ADAMTSL1: variants seen among roughly 807,000 people sequenced by gnomAD.
The protein encoded by ADAMTSL1 is ADAMTS-like protein 1.
ADAMTSL1 carries 126 observed loss-of-function variants against 201.8 expected under a neutral mutation model. The ratio of observed to expected loss-of-function variants is 0.62; its 90% CI spans 0.54 to 0.72. The LOEUF (loss-of-function observed/expected upper bound fraction) is 0.72, where lower values mean the gene tolerates loss of function less well. Among genes scored for constraint, ADAMTSL1 ranks in the 30% least tolerant of loss-of-function variants. The pLI is 0.00. For missense variants in ADAMTSL1, 2,679 were observed against 2,277.8 expected (o/e 1.18, Z -3.59); for synonymous variants, 1,121 against 903.4 (o/e 1.24, Z -4.32).
At chr9:18,478,909 G>T (rs191991207) in intron 1 of ADAMTSL1, among the ~76,000 whole-genome samples, 1 of 152,208 alleles carries the variant, frequency 6.6e-6, no homozygotes, top group Non-Finnish European at 1.5e-5. Flanking sequence ...AGACAAGTGC[G>T]TGTCATTTTC....
chr9:18,826,552 A>G (rs1322068637), intron 22 of ADAMTSL1, 89 bp downstream of exon 22: 8 of 1,444,300 alleles, frequency 5.5e-6, no homozygotes, highest in Middle Eastern at 2.2e-4. Context: ...CCCTAATCCA[A>G]TTAAGGACAT....
At chr9:17,917,124 C>T (rs1826124819) in intron 1 of ADAMTSL1, among the ~76,000 whole-genome samples, 1 of 152,012 alleles carries the variant, frequency 6.6e-6, no homozygotes, top group Non-Finnish European at 1.5e-5. Context: ...CTTTATTAAA[C>T]TCATTAGCTG....
At chr9:18,327,254 AATTAGATTT>A (rs1373761486) in intron 2 of ADAMTSL1, among the ~76,000 whole-genome samples, 1 of 152,224 alleles carries the variant, frequency 6.6e-6, no homozygotes, top group African/African-American at 2.4e-5. Context: ...ACATAAATAG[AATTAGATTT>A]ATGGGTGTTT....
At chr9:18,452,850 T>C (rs1444300875) in intron 2 of ADAMTSL1, among the ~76,000 whole-genome samples, 1 of 152,224 alleles carries the variant, frequency 6.6e-6, no homozygotes, top group East Asian at 1.9e-4. Context: ...TTGCTGGGCT[T>C]AGTCCACCAG....
intron 15 of ADAMTSL1, among the ~76,000 whole-genome samples, chr9:18,737,563 C>T (rs892331257): frequency 1.3e-5 from 2 of 152,032 alleles, no homozygotes; most frequent in Non-Finnish European, 1.5e-5. Context: ...CCTATCGATA[C>T]CAAAAGATCA....
chr9:18,448,027 T>TTCTCTC (rs10557934), intron 2 of ADAMTSL1, among the ~76,000 whole-genome samples: 2 of 149,766 alleles, frequency 1.3e-5, no homozygotes, highest in Admixed American at 6.6e-5. Flanking sequence ...CTCTCGCTCT[T>TTCTCTC]TCTCTCTCTC....
At chr9:18,110,076 G>A (rs1411395796) in intron 1 of ADAMTSL1, among the ~76,000 whole-genome samples, 1 of 152,124 alleles carries the variant, frequency 6.6e-6, no homozygotes, top group Non-Finnish European at 1.5e-5. Context: ...CTAGCTTCTA[G>A]ATGCCTTTTC....
chr9:18,771,585 A>G (rs1175110520), intron 17 of ADAMTSL1, among the ~76,000 whole-genome samples: 1 of 152,190 alleles, frequency 6.6e-6, no homozygotes. Context: ...TTGCCTCACA[A>G]GAAGATTTAG....
chr9:18,478,304 A>G (rs1821560696), intron 1 of ADAMTSL1, among the ~76,000 whole-genome samples: 2 of 152,130 alleles, frequency 1.3e-5, no homozygotes, highest in South Asian at 4.1e-4. Flanking sequence ...AGCATGAGAC[A>G]TGGTCTGGTG....
chr9:18,316,754 A>C (rs1478891643), intron 2 of ADAMTSL1, among the ~76,000 whole-genome samples: 1 of 152,166 alleles, frequency 6.6e-6, no homozygotes, highest in Non-Finnish European at 1.5e-5. Flanking sequence ...TTAAGAGATT[A>C]AAGTAAAGAC....
intron 2 of ADAMTSL1, among the ~76,000 whole-genome samples, chr9:18,414,452 T>G (rs1283111175): frequency 1.3e-5 from 2 of 152,068 alleles, no homozygotes; most frequent in Non-Finnish European, 2.9e-5. Flanking sequence ...CAAGATGGAG[T>G]AACAGAGACC....
chr9:18,217,758 C>T (rs1346788598), intron 2 of ADAMTSL1, among the ~76,000 whole-genome samples: 2 of 152,190 alleles, frequency 1.3e-5, no homozygotes, highest in South Asian at 2.1e-4. Flanking sequence ...CTGATGCTGG[C>T]TTCACTGGCA....
At chr9:18,637,658 C>T (rs973978095) in intron 6 of ADAMTSL1, among the ~76,000 whole-genome samples, 29 of 152,042 alleles carry the variant, frequency 1.9e-4, no homozygotes, top group Admixed American at 1.9e-3. Flanking sequence ...ATCATTTTTC[C>T]TTGTGTGTTC....
intron 3 of ADAMTSL1, among the ~76,000 whole-genome samples, chr9:18,533,739 C>T (rs1318809103): frequency 6.6e-6 from 1 of 152,090 alleles, no homozygotes; most frequent in African/African-American, 2.4e-5. Flanking sequence ...ACATATGGTC[C>T]CTGTTTTAAA....
At chr9:18,357,177 T>C (rs919565212) in intron 2 of ADAMTSL1, among the ~76,000 whole-genome samples, 2 of 152,100 alleles carry the variant, frequency 1.3e-5, no homozygotes, top group African/African-American at 2.4e-5. Flanking sequence ...GACTCTAGAG[T>C]ATATGCCCTA....
intron 3 of ADAMTSL1, among the ~76,000 whole-genome samples, chr9:18,564,901 C>A (rs1465967650): frequency 1.3e-5 from 2 of 152,146 alleles, no homozygotes; most frequent in African/African-American, 4.8e-5. Flanking sequence ...TCTAAAATGA[C>A]AAACTACAAC....
Position 18,622,380 on chromosome 9 carries a change from CA to C in ADAMTSL1, c.601+12del. 11 of 1,614,016 alleles carry C rather than the reference CA, an allele frequency of 6.8e-6. No individual in the cohort carries two copies. The highest frequency in any genetic ancestry group is 9.3e-6 in the Non-Finnish European group (11 of 1,179,930). On this transcript the variant is annotated intron_variant, in intron 5 of 28. Transcript: ENST00000380548. ...TCTCCGCAACCAAATGTAAGACACA[CA>C]GAGATGGGCGACCTTTGGACTTGTT...
At chr9:18,292,273 G>T (rs752405979) in intron 2 of ADAMTSL1, among the ~76,000 whole-genome samples, 1 of 152,124 alleles carries the variant, frequency 6.6e-6, no homozygotes, top group Non-Finnish European at 1.5e-5. Context: ...AGCAGGAGAG[G>T]TGAACAGCAG....
intron 2 of ADAMTSL1, among the ~76,000 whole-genome samples, chr9:18,305,186 C>T (rs187800680): frequency 6.6e-6 from 1 of 152,324 alleles, no homozygotes; most frequent in Non-Finnish European, 1.5e-5. Flanking sequence ...AGATACTATG[C>T]TTTTCCCATG....
Sources: gnomAD v4.1 joint callset for allele counts (sites outside exome capture counted in the v4.1 genomes callset) on GRCh38, gnomAD v4.1.1 for gene constraint, MANE v1.5 for transcripts, NCBI Gene and HGNC (gene_info 2026-07-23, HGNC 2026-07-21) for gene names.